The following TENM3 variants were observed in gnomAD, a reference collection of about 807,000 sequenced individuals.
The protein encoded by TENM3 is teneurin transmembrane protein 3.
A neutral mutation model predicts 255.1 loss-of-function variants in TENM3; 63 were observed. The observed-to-expected ratio is 0.25, with a 90% confidence interval of 0.20 to 0.30. The LOEUF is 0.30. Ranked by LOEUF, TENM3 falls within the 10% of genes least tolerant of loss-of-function variation. The pLI is 1.00. For missense variants in TENM3, 2,929 were observed against 3,461.1 expected (o/e 0.85, Z 3.86); for synonymous variants, 1,306 against 1,322.3 (o/e 0.99, Z 0.27).
intron 3 of TENM3, among the ~76,000 whole-genome samples, chr4:182,385,263 T>TG (rs11337705): frequency 4.2e-3 from 6 of 1,434 alleles, no homozygotes; most frequent in Non-Finnish European, 6.9e-3. Context: ...ATTGTGCGTC[T>TG]TTTTTTTTTT....
the TENM3 span, among the ~76,000 whole-genome samples, chr4:181,483,928 C>G: frequency 6.6e-6 from 1 of 152,098 alleles, no homozygotes; most frequent in African/African-American, 2.4e-5. Flanking sequence ...GTTTTTTAGT[C>G]TATTTTCTAT....
the TENM3 span, among the ~76,000 whole-genome samples, chr4:182,017,581 G>A: frequency 6.6e-6 from 1 of 151,796 alleles, no homozygotes; most frequent in East Asian, 1.9e-4. Context: ...ATGAAATACA[G>A]ACACACACAC....
chr4:182,664,682 C>A (rs1029439081), intron 6 of TENM3, among the ~76,000 whole-genome samples: 4 of 152,080 alleles, frequency 2.6e-5, no homozygotes, highest in Admixed American at 2.6e-4. Flanking sequence ...AAGCACGATT[C>A]CAGTGAGCAC....
the TENM3 span, among the ~76,000 whole-genome samples, chr4:181,703,170 T>C: frequency 4.6e-5 from 7 of 152,192 alleles, no homozygotes; most frequent in Non-Finnish European, 1.0e-4. Context: ...TAAAGGACAC[T>C]GCCCCGACGC....
chr4:181,873,322 G>A, the TENM3 span, among the ~76,000 whole-genome samples: 1 of 152,178 alleles, frequency 6.6e-6, no homozygotes, highest in African/African-American at 2.4e-5. Flanking sequence ...GCCTTCCTCA[G>A]CCTCCCAGAG....
chr4:181,508,839 G>A, the TENM3 span, among the ~76,000 whole-genome samples: 1 of 144,804 alleles, frequency 6.9e-6, no homozygotes, highest in Non-Finnish European at 1.5e-5. Flanking sequence ...TCTTTTCAGT[G>A]AATCCAAAAG....
At chr4:182,483,032 AAAAG>A (rs368952211) in intron 3 of TENM3, among the ~76,000 whole-genome samples, 193 of 151,802 alleles carry the variant, frequency 1.3e-3, no homozygotes, top group African/African-American at 4.3e-3. Context: ...CAGGAAAAGA[AAAAG>A]AACATGTTTG....
intron 1 of TENM3, among the ~76,000 whole-genome samples, chr4:182,204,038 C>T (rs988824523): frequency 1.3e-5 from 2 of 152,120 alleles, no homozygotes; most frequent in East Asian, 1.9e-4. Context: ...ATCAGAGCGC[C>T]GACAGTAATG....
chr4:181,875,006 C>T, the TENM3 span, among the ~76,000 whole-genome samples: 3 of 152,290 alleles, frequency 2.0e-5, no homozygotes, highest in Non-Finnish European at 2.9e-5. Flanking sequence ...TGAGAGAACA[C>T]ATCCAGGGCC....
intron 1 of TENM3, among the ~76,000 whole-genome samples, chr4:182,164,072 A>G (rs1452872450): frequency 6.6e-6 from 1 of 152,210 alleles, no homozygotes; most frequent in Non-Finnish European, 1.5e-5. Flanking sequence ...TGTGAGAGTG[A>G]CAGTGAGCAC....
the TENM3 span, among the ~76,000 whole-genome samples, chr4:182,018,545 C>A: frequency 3.9e-5 from 6 of 152,110 alleles, no homozygotes; most frequent in African/African-American, 1.4e-4. Flanking sequence ...TGCTTTAGTT[C>A]CCAGCATCAT....
chr4:181,923,424 G>C, the TENM3 span, among the ~76,000 whole-genome samples: 2 of 152,112 alleles, frequency 1.3e-5, no homozygotes, highest in South Asian at 4.1e-4. Context: ...CTGTGGCCCT[G>C]TTGCCTAAAA....
At chr4:181,474,537 C>G in the TENM3 span, among the ~76,000 whole-genome samples, 2 of 151,844 alleles carry the variant, frequency 1.3e-5, no homozygotes, top group Non-Finnish European at 1.5e-5. Flanking sequence ...AGTTTGGGAC[C>G]AGCCTGGCCA....
chr4:182,365,553 G>T (rs1028021695), intron 3 of TENM3, among the ~76,000 whole-genome samples: 8 of 152,208 alleles, frequency 5.3e-5, no homozygotes, highest in Non-Finnish European at 1.0e-4. Flanking sequence ...TAGGTGCCAA[G>T]AAGTTCTGCA....
chr4:181,577,450 G>A, the TENM3 span, among the ~76,000 whole-genome samples: 1 of 151,852 alleles, frequency 6.6e-6, no homozygotes, highest in East Asian at 1.9e-4. Flanking sequence ...AACCTTTCAT[G>A]GATTCTGATC....
chr4:182,500,130 CA>C (rs755412660), intron 3 of TENM3, among the ~76,000 whole-genome samples: 2 of 152,090 alleles, frequency 1.3e-5, no homozygotes, highest in African/African-American at 4.8e-5. Context: ...AGCAAATACT[CA>C]AGTAGCTAAG....
At chr4:181,478,502 C>T in the TENM3 span, among the ~76,000 whole-genome samples, 4 of 152,270 alleles carry the variant, frequency 2.6e-5, no homozygotes, top group African/African-American at 9.6e-5. Context: ...CCTGAACGTC[C>T]GTGCTGTCTG....
At chr4:181,835,558 CG>C in the TENM3 span, among the ~76,000 whole-genome samples, 1 of 152,112 alleles carries the variant, frequency 6.6e-6, no homozygotes, top group Non-Finnish European at 1.5e-5. Context: ...CCACTCTTGG[CG>C]ACCAATGTAA....
the TENM3 span, among the ~76,000 whole-genome samples, chr4:182,014,051 T>C: frequency 5.0e-5 from 3 of 60,576 alleles, 1 homozygote; most frequent in Non-Finnish European, 7.0e-5. Flanking sequence ...TACGTATATA[T>C]ACGTGTATAT....
Sources: gnomAD v4.1 joint callset for allele counts (sites outside exome capture counted in the v4.1 genomes callset) on GRCh38, gnomAD v4.1.1 for gene constraint, MANE v1.5 for transcripts, NCBI Gene and HGNC (gene_info 2026-07-23, HGNC 2026-07-21) for gene names.